Variants in GRIA1 observed in about 807,000 individuals in gnomAD.
The protein encoded by GRIA1 is glutamate receptor 1.
GRIA1 carries 31 observed loss-of-function variants against 99.2 expected under a neutral mutation model. The ratio of observed to expected loss-of-function variants is 0.31; its 90% CI spans 0.23 to 0.42. GRIA1 has a LOEUF of 0.42. GRIA1 is among the 10% of genes least tolerant of loss of function. GRIA1 has a pLI of 1.00. For synonymous variants in GRIA1, 438 were observed against 432.4 expected (o/e 1.01, Z -0.16); for missense variants, 782 against 1,157.5 (o/e 0.68, Z 4.71).
Position 153,698,107 on chromosome 5 carries a change from G to A in GRIA1, c.1198G>A (p.Asp400Asn), listed in dbSNP as rs377273074. The A allele has an allele frequency of 2.5e-5, 41 of 1,610,330 alleles. No homozygotes were observed. Among genetic ancestry groups the A allele is most frequent in the Non-Finnish European group, 3.2e-5 (38 of 1,176,742 alleles). ...PAATDAQAGGDNSSVQNRTYI... is the reference protein window; with the variant it reads ...PAATDAQAGGNNSSVQNRTYI... ...AGCCACCGATGCCCAAGCTGGGGGCGATAATTCAAGTGTTCAGAACAGAAC... is the reference window on the plus strand; with the variant it reads ...AGCCACCGATGCCCAAGCTGGGGGCAATAATTCAAGTGTTCAGAACAGAAC... Residue 400 changes from aspartate to asparagine, a missense_variant, in exon 9 of 16, where the codon GAT becomes AAT. This residue lies in a region of GRIA1 where 461 missense variants were observed against 521.7 expected (regional missense o/e 0.88). Coordinates refer to ENST00000285900, the MANE Select transcript of GRIA1 (RefSeq NM_000827.4).
chr5:153,558,303 C>A (rs978269807), intron 2 of GRIA1, among the ~76,000 whole-genome samples: 2 of 152,090 alleles, frequency 1.3e-5, no homozygotes, highest in South Asian at 2.1e-4. Flanking sequence ...TTTTGACAAA[C>A]CTATATAGTC....
At chr5:153,535,798 A>C (rs1226632530) in intron 2 of GRIA1, among the ~76,000 whole-genome samples, 2 of 152,190 alleles carry the variant, frequency 1.3e-5, no homozygotes, top group Admixed American at 6.5e-5. Flanking sequence ...AATCACCCAG[A>C]AAGAGACCAA....
intron 2 of GRIA1, among the ~76,000 whole-genome samples, chr5:153,645,373 C>T (rs1369360764): frequency 6.6e-6 from 1 of 152,122 alleles, no homozygotes; most frequent in Non-Finnish European, 1.5e-5. Flanking sequence ...TCTCTAGGGA[C>T]TAACAGAAAA....
chr5:153,489,862 A>T (rs760696745), upstream of GRIA1: 77 of 456,460 alleles, frequency 1.7e-4, no homozygotes, highest in African/African-American at 1.4e-3. Flanking sequence ...TCTTTATTGT[A>T]CACCCACACG....
chr5:153,629,784 C>G (rs1185777492), intron 2 of GRIA1, among the ~76,000 whole-genome samples: 1 of 152,188 alleles, frequency 6.6e-6, no homozygotes, highest in East Asian at 1.9e-4. Flanking sequence ...TGCTGTTCTT[C>G]TACTGCAGAA....
intron 5 of GRIA1, among the ~76,000 whole-genome samples, chr5:153,672,736 G>A (rs574907126): frequency 3.9e-5 from 6 of 152,276 alleles, no homozygotes; most frequent in Admixed American, 6.5e-5. Flanking sequence ...AGCTGGGACC[G>A]CTGCTCTAAT....
At chr5:153,702,136 C>T (rs769871093) in intron 10 of GRIA1, among the ~76,000 whole-genome samples, 2 of 152,206 alleles carry the variant, frequency 1.3e-5, no homozygotes, top group African/African-American at 4.8e-5. Flanking sequence ...GACATACTGC[C>T]TCTGTAGAAA....
chr5:153,738,158 G>A (rs559946081), intron 11 of GRIA1, among the ~76,000 whole-genome samples: 1 of 152,328 alleles, frequency 6.6e-6, no homozygotes, highest in Non-Finnish European at 1.5e-5. Flanking sequence ...ATTCCTATAG[G>A]TTGGGAAGTG....
At chr5:153,759,367 A>G (rs77325499) in intron 11 of GRIA1, among the ~76,000 whole-genome samples, 11,533 of 151,898 alleles carry the variant, frequency 0.076, 606 homozygotes, top group South Asian at 0.21. Flanking sequence ...TTATAAATGA[A>G]AAAGGAGACG....
At chr5:153,734,706 C>G (rs890734767) in intron 11 of GRIA1, among the ~76,000 whole-genome samples, 5 of 152,122 alleles carry the variant, frequency 3.3e-5, no homozygotes, top group African/African-American at 9.7e-5. Flanking sequence ...TAACCCAGAT[C>G]AGGGGATAGG....
At chr5:153,511,991 CACAA>C (rs1290264997) in intron 2 of GRIA1, among the ~76,000 whole-genome samples, 1 of 152,212 alleles carries the variant, frequency 6.6e-6, no homozygotes, top group African/African-American at 2.4e-5. Context: ...TGCTGTTACA[CACAA>C]ACAAACAAAG....
rs151286031 is a variant in GRIA1 at position 153,704,010 on chromosome 5, C to T, written c.1453-1687C>T. ...TTTGTAAAAATTACCAAGATTTATG[C>T]AGTGGGTATTAGGGGAAAAAACAGA... On this transcript the variant is annotated intron_variant, in intron 10 of 15. Coordinates refer to ENST00000285900, the MANE Select transcript of GRIA1 (RefSeq NM_000827.4). Among the ~76,000 whole-genome samples, 1,284 of 152,304 alleles carry T rather than the reference C, an allele frequency of 8.4e-3. 7 individuals are homozygous for T. The highest frequency in any genetic ancestry group is 0.014 in the Middle Eastern group (4 of 294).
At chr5:153,731,878 A>G (rs1392844274) in intron 11 of GRIA1, among the ~76,000 whole-genome samples, 1 of 152,074 alleles carries the variant, frequency 6.6e-6, no homozygotes, top group Non-Finnish European at 1.5e-5. Context: ...CTTCAAGTTA[A>G]TACTCTTTGA....
intron 7 of GRIA1, among the ~76,000 whole-genome samples, chr5:153,685,186 G>C (rs1426565680): frequency 6.6e-6 from 1 of 152,236 alleles, no homozygotes; most frequent in African/African-American, 2.4e-5. Context: ...CCTTAGGCAA[G>C]AGGGATCTGA....
intron 2 of GRIA1, among the ~76,000 whole-genome samples, chr5:153,618,326 A>G (rs1766707153): frequency 6.6e-6 from 1 of 152,244 alleles, no homozygotes; most frequent in Non-Finnish European, 1.5e-5. Flanking sequence ...CTGTCTAAAT[A>G]CAGAATAAAG....
chr5:153,560,006 G>GGCTATTAGT (rs145077727), intron 2 of GRIA1, among the ~76,000 whole-genome samples: 19,929 of 151,968 alleles, frequency 0.13, 1,458 homozygotes, highest in South Asian at 0.24. Context: ...CTGAAATAGA[G>GGCTATTAGT]GTCATCATTT....
At chr5:153,791,250 C>T (rs1304581388) in intron 13 of GRIA1, among the ~76,000 whole-genome samples, 1 of 142,596 alleles carries the variant, frequency 7.0e-6, no homozygotes, top group African/African-American at 2.6e-5. Context: ...TCCTGGGCAA[C>T]ATAGTGAGAC....
chr5:153,605,601 T>A (rs1561682987), intron 2 of GRIA1, among the ~76,000 whole-genome samples: 1 of 152,202 alleles, frequency 6.6e-6, no homozygotes. Context: ...ACTCCCACCA[T>A]CAATATGTGA....
intron 2 of GRIA1, among the ~76,000 whole-genome samples, chr5:153,562,784 T>A (rs1014311019): frequency 3.9e-5 from 6 of 152,210 alleles, no homozygotes; most frequent in Non-Finnish European, 2.9e-5. Flanking sequence ...GTGTCATTAT[T>A]GGACACACAT....
Sources: gnomAD v4.1 joint callset for allele counts (sites outside exome capture counted in the v4.1 genomes callset) on GRCh38, gnomAD v4.1.1 for gene constraint, gnomAD v4.1.1 regional missense constraint, MANE v1.5 for transcripts, NCBI Gene and HGNC (gene_info 2026-07-23, HGNC 2026-07-21) for gene names.